The following ATRNL1 variants were observed in gnomAD, a reference collection of about 807,000 sequenced individuals.
The protein encoded by ATRNL1 is attractin-like protein 1.
In ATRNL1, 95 loss-of-function variants were observed where a neutral mutation model predicts 182.7. The ratio of observed to expected loss-of-function variants is 0.52; its 90% CI spans 0.44 to 0.62. The LOEUF is 0.62. ATRNL1 is among the 20% of genes least tolerant of loss of function. The pLI is 0.00. For missense variants in ATRNL1, 1,471 were observed against 1,679.5 expected (o/e 0.88, Z 2.17); for synonymous variants, 576 against 568.3 (o/e 1.01, Z -0.19).
intron 20 of ATRNL1, among the ~76,000 whole-genome samples, chr10:115,417,514 T>C (rs1444413643): frequency 6.6e-6 from 1 of 152,160 alleles, no homozygotes; most frequent in Non-Finnish European, 1.5e-5. Context: ...CAGGTAACTA[T>C]CATATCTGTG....
intron 26 of ATRNL1, among the ~76,000 whole-genome samples, chr10:115,692,556 T>C (rs1946426895): frequency 6.6e-6 from 1 of 152,144 alleles, no homozygotes; most frequent in South Asian, 2.1e-4. Context: ...ACTCTAAAAA[T>C]AATCCCTTAA....
At chr10:115,383,121 T>TC in intron 19 of ATRNL1, among the ~76,000 whole-genome samples, 1 of 151,746 alleles carries the variant, frequency 6.6e-6, no homozygotes, top group East Asian at 1.9e-4. Context: ...TTTTTCTTTT[T>TC]TTTTTTCTCT....
chr10:115,095,016 A>G (rs940843994), intron 1 of ATRNL1, among the ~76,000 whole-genome samples: 4 of 152,194 alleles, frequency 2.6e-5, no homozygotes, highest in Non-Finnish European at 5.9e-5. Context: ...AGGTGAAGGT[A>G]CTTTCTTCGT....
intron 8 of ATRNL1, among the ~76,000 whole-genome samples, chr10:115,174,548 G>A (rs1847421239): frequency 6.6e-6 from 1 of 151,748 alleles, no homozygotes; most frequent in African/African-American, 2.4e-5. Flanking sequence ...TAAACAGTAA[G>A]TATATCATTT....
chr10:115,785,782 G>A (rs534276647), intron 27 of ATRNL1, among the ~76,000 whole-genome samples: 4 of 152,042 alleles, frequency 2.6e-5, no homozygotes, highest in Non-Finnish European at 5.9e-5. Context: ...CTTCCCTCTC[G>A]CATTTTACCA....
chr10:115,461,883 G>T (rs1847814528), intron 21 of ATRNL1, 58 bp from the exon 22 acceptor site: 3 of 1,137,296 alleles, frequency 2.6e-6, no homozygotes, highest in South Asian at 2.8e-5. Context: ...CCTAAATTTT[G>T]CTTTTTAGAC....
intron 21 of ATRNL1, among the ~76,000 whole-genome samples, chr10:115,432,040 C>G (rs564960989): frequency 6.6e-6 from 1 of 151,984 alleles, no homozygotes; most frequent in Non-Finnish European, 1.5e-5. Context: ...ATGATGTGAG[C>G]CTCATATGTA....
chr10:115,353,006 A>G (rs1856334722), intron 19 of ATRNL1, among the ~76,000 whole-genome samples: 1 of 152,238 alleles, frequency 6.6e-6, no homozygotes, highest in Non-Finnish European at 1.5e-5. Context: ...CCTCAAGAAT[A>G]TTCCATGTGC....
chr10:115,776,262 C>G (rs909296079), intron 27 of ATRNL1, among the ~76,000 whole-genome samples: 1 of 152,108 alleles, frequency 6.6e-6, no homozygotes, highest in Admixed American at 6.6e-5. Flanking sequence ...TTATATAAAG[C>G]GTATGTTAAT....
At chr10:115,309,364 C>T (rs1408019020) in intron 17 of ATRNL1, among the ~76,000 whole-genome samples, 1 of 152,020 alleles carries the variant, frequency 6.6e-6, no homozygotes, top group East Asian at 1.9e-4. Context: ...TTGTTTTGGG[C>T]AGTATGATTA....
At chr10:115,408,239 A>G (rs631680) in intron 20 of ATRNL1, among the ~76,000 whole-genome samples, 4,049 of 150,942 alleles carry the variant, frequency 0.027, 215 homozygotes, top group African/African-American at 0.094. Flanking sequence ...TCCTGACCTC[A>G]TGATCCACCC....
At chr10:115,763,910 A>G (rs1259182637) in intron 27 of ATRNL1, among the ~76,000 whole-genome samples, 1 of 152,196 alleles carries the variant, frequency 6.6e-6, no homozygotes, top group Non-Finnish European at 1.5e-5. Flanking sequence ...AAAGTTTGAA[A>G]GAAACAGAAG....
At chr10:115,371,656 C>G (rs1857401347) in intron 19 of ATRNL1, among the ~76,000 whole-genome samples, 1 of 152,152 alleles carries the variant, frequency 6.6e-6, no homozygotes, top group Admixed American at 6.5e-5. Flanking sequence ...AACTAACTTA[C>G]TTTTGATTTT....
chr10:115,116,201 G>T (rs894788935), intron 1 of ATRNL1, among the ~76,000 whole-genome samples: 6 of 151,986 alleles, frequency 3.9e-5, no homozygotes, highest in Non-Finnish European at 7.4e-5. Flanking sequence ...ACACAAACAG[G>T]CTAGTAGTTT....
chr10:115,413,135 A>T (rs1428334530), intron 20 of ATRNL1, among the ~76,000 whole-genome samples: 3 of 152,146 alleles, frequency 2.0e-5, no homozygotes, highest in Non-Finnish European at 4.4e-5. Context: ...TTTGCATAGC[A>T]TTGCATTGTG....
intron 26 of ATRNL1, among the ~76,000 whole-genome samples, chr10:115,655,323 C>G (rs1555035519): frequency 6.6e-6 from 1 of 152,110 alleles, no homozygotes; most frequent in Non-Finnish European, 1.5e-5. Flanking sequence ...GTGAATAGTA[C>G]ATATAAAGAG....
chr10:115,351,194 A>G (rs1192774208), intron 19 of ATRNL1, among the ~76,000 whole-genome samples: 2 of 152,102 alleles, frequency 1.3e-5, no homozygotes, highest in Middle Eastern at 3.2e-3. Context: ...TCTGTAAACA[A>G]GGATAATTTT....
intron 5 of ATRNL1, among the ~76,000 whole-genome samples, chr10:115,137,591 T>C (rs1194163892): frequency 1.3e-5 from 2 of 152,164 alleles, no homozygotes; most frequent in African/African-American, 4.8e-5. Flanking sequence ...TAAGAGAGCT[T>C]GTACAGGGAA....
chr10:115,255,996 C>T (rs149595558), intron 10 of ATRNL1, among the ~76,000 whole-genome samples: 1,725 of 152,242 alleles, frequency 0.011, 28 homozygotes, highest in African/African-American at 0.038. Context: ...CTGACTTGAT[C>T]GTGGTGGATA....
Sources: allele counts gnomAD v4.1 joint callset (sites outside exome capture counted in the v4.1 genomes callset), GRCh38; gene constraint gnomAD v4.1.1; transcripts MANE v1.5; gene names NCBI Gene and HGNC (gene_info 2026-07-23, HGNC 2026-07-21).